PHRF1: variants seen among roughly 807,000 people sequenced by gnomAD.
PHRF1 encodes PHD and RING finger domain-containing protein 1.
PHRF1 carries 53 observed loss-of-function variants against 128.9 expected under a neutral mutation model. The observed-to-expected ratio is 0.41, with a 90% CI of 0.33 to 0.52. PHRF1 has a LOEUF of 0.52. PHRF1 is among the 20% of genes least tolerant of loss of function. The pLI is 0.21. For missense variants in PHRF1, 2,503 were observed against 2,284.5 expected (o/e 1.10, Z -1.95); for synonymous variants, 1,178 against 980.6 (o/e 1.20, Z -3.76).
At chr11:604,722 C>T (rs946369473) in intron 10 of PHRF1, among the ~76,000 whole-genome samples, 11 of 152,136 alleles carry the variant, frequency 7.2e-5, no homozygotes. Flanking sequence ...ACCATGTTGG[C>T]CAGGCTGGTC....
chr11:592,008 T>G (rs1423542663), intron 5 of PHRF1, among the ~76,000 whole-genome samples: 2 of 150,908 alleles, frequency 1.3e-5, no homozygotes, highest in East Asian at 4.0e-4. Flanking sequence ...CTCTGCCTCC[T>G]GGGTTCACGC....
intron 10 of PHRF1, among the ~76,000 whole-genome samples, chr11:603,499 C>T (rs1230974846): frequency 1.3e-5 from 2 of 152,064 alleles, no homozygotes; most frequent in Admixed American, 1.3e-4. Context: ...CCTCACCTAG[C>T]TAATTTTCTT....
In PHRF1 at chr11:608,672, C is replaced by T. The variant is rs776894273; in HGVS notation, c.3216C>T (p.Asp1072=). 1.9e-6 allele frequency: 3 copies of T among 1,612,390 alleles called. No homozygotes were observed. Among genetic ancestry groups the T allele is most frequent in the Non-Finnish European group, 8.5e-7 (1 of 1,179,774 alleles). ...GAGCTAAGAGGAAGAAAGCCAAGGA[C>T]AAGAGCAGGGAGCACAGGCGGGGCC... ...RERAKRKKAK[D]KSREHRRGPW... The change falls in exon 14 of 18, where the codon GAC becomes GAT. Residue 1072 remains aspartate, a synonymous_variant. Transcript: ENST00000264555.
rs762326803 is a variant in PHRF1 at position 581,955 on chromosome 11, T to C, written c.95-7T>C. The C allele has an allele frequency of 1.9e-6, 3 of 1,587,132 alleles. No homozygotes were observed. The highest frequency in any genetic ancestry group is 2.3e-5 in the South Asian group (2 of 86,784). On this transcript the variant is annotated splice_region_variant and splice_polypyrimidine_tract_variant and intron_variant, in intron 2 of 17. Coordinates refer to ENST00000264555, the MANE Select transcript of PHRF1 (RefSeq NM_001286581.2). ...CCCTGCGGCCTGTGTCTCACCCTGG[T>C]GTCTAGAAGAAAGCAGCGTGGGCAG...
rs1482321002 is a variant in PHRF1, at chr11:609,185, C to G, written c.3729C>G (p.Pro1243=). The G allele has an allele frequency of 6.2e-7, 1 of 1,607,618 alleles. No individual in the cohort carries two copies. The highest frequency in any genetic ancestry group is 2.2e-5 in the East Asian group (1 of 44,868). Residue 1243 remains proline, a synonymous_variant, in exon 14 of 18, where the codon CCC becomes CCG. Coordinates refer to ENST00000264555, the MANE Select transcript of PHRF1 (RefSeq NM_001286581.2). ...ATADKAPLQA[P]PVLEVAAECE... Reference sequence around the variant, plus strand: ...CCGACAAGGCCCCCCTGCAGGCTCCCCCTGTCCTGGAGGTGGCAGCTGAGT... The same window carrying G: ...CCGACAAGGCCCCCCTGCAGGCTCCGCCTGTCCTGGAGGTGGCAGCTGAGT...
chr11:609,508 C>T lies in PHRF1; in HGVS notation c.4052C>T (p.Ala1351Val), dbSNP rs371787558. The change falls in exon 14 of 18, where the codon GCG becomes GTG. Residue 1351 changes from alanine to valine, a missense_variant. Transcript: ENST00000264555. ...TQEPHLLRPD[A>V]AEKAEAPSSP... Reference sequence around the variant, plus strand: ...GAGCCACATTTGCTCAGGCCGGACGCGGCTGAGAAGGCTGAGGCACCCAGT... The same window carrying T: ...GAGCCACATTTGCTCAGGCCGGACGTGGCTGAGAAGGCTGAGGCACCCAGT... The T allele has an allele frequency of 2.6e-5, 42 of 1,602,874 alleles. No homozygotes were observed. The highest frequency in any genetic ancestry group is 1.8e-4 in the East Asian group (8 of 44,680).
chr11:607,195 G>C lies in PHRF1; in HGVS notation c.1739G>C (p.Ser580Thr), dbSNP rs772539585. ...GGCCCGTCAGGAAACAGGCCACAGAGCACAGGGCTCAGCTGTCAAGGCAGG... is the reference window on the plus strand; with the variant it reads ...GGCCCGTCAGGAAACAGGCCACAGACCACAGGGCTCAGCTGTCAAGGCAGG... ...AQGPSGNRPQ[S>T]TGLSCQGRSR... The change falls in exon 14 of 18, where the codon AGC becomes ACC. Residue 580 changes from serine to threonine, a missense_variant. Ser to Thr is a moderately conservative substitution (Grantham distance 58). Transcript: ENST00000264555. 5 of 1,612,464 alleles carry C rather than the reference G, an allele frequency of 3.1e-6. No individual in the cohort carries two copies. In the East Asian group the frequency reaches 1.1e-4, roughly 36 times the overall value.
intron 4 of PHRF1, among the ~76,000 whole-genome samples, chr11:588,978 A>G (rs1854758135): frequency 6.6e-6 from 1 of 152,136 alleles, no homozygotes; most frequent in African/African-American, 2.4e-5. Context: ...TTTACTAAAA[A>G]TACAAAAATT....
chr11:609,086 G>T lies in PHRF1; in HGVS notation c.3630G>T (p.Glu1210Asp). The change falls in exon 14 of 18, where the codon GAG (glutamate) becomes GAT (aspartate). Residue 1210 changes from glutamate to aspartate, a missense_variant. Transcript: ENST00000264555. ...CCCCAGCGCCCCTTGCACAGGGGGA[G>T]CCAGGGCGGGAAGACCTCCCCACCA... is the stretch of plus-strand genomic sequence containing the variant. ...EASPAPLAQG[E>D]PGREDLPTRL... 1 of 1,603,114 alleles carries T rather than the reference G, an allele frequency of 6.2e-7. No individual in the cohort carries two copies. Among genetic ancestry groups the T allele is most frequent in the Non-Finnish European group, 8.5e-7 (1 of 1,175,576 alleles).
chr11:590,682 CCTGA>C (rs1401290359), intron 4 of PHRF1, among the ~76,000 whole-genome samples: 4 of 152,174 alleles, frequency 2.6e-5, no homozygotes, highest in Admixed American at 2.6e-4. Flanking sequence ...GCAACGTATA[CCTGA>C]CTGTTATCCA....
chr11:602,658 G>C (rs868783592), intron 10 of PHRF1, among the ~76,000 whole-genome samples: 1 of 152,178 alleles, frequency 6.6e-6, no homozygotes. Context: ...TCCAGCCTGG[G>C]AGACGAGAGC....
intron 12 of PHRF1, among the ~76,000 whole-genome samples, chr11:606,120 CAA>C (rs1272701589): frequency 3.3e-5 from 5 of 152,258 alleles, no homozygotes; most frequent in African/African-American, 7.2e-5. Flanking sequence ...CCAAAACCAA[CAA>C]AACAGGTAAA....
At position 608,366 on chromosome 11, in the gene PHRF1, C is replaced by T. The variant is rs1321772729; in HGVS notation, c.2910C>T (p.Ala970=). The stretch of plus-strand genomic sequence containing the variant: ...GTGTGACTGTCGTGGAGCCGGAAGC[C>T]CCACCCAGCCCGGACGTGCTGCAGG... ...VTCVTVVEPE[A]PPSPDVLQAA... The change falls in exon 14 of 18, where the codon GCC becomes GCT. Residue 970 remains alanine, a synonymous_variant. Coordinates refer to ENST00000264555, the MANE Select transcript of PHRF1 (RefSeq NM_001286581.2). 4 of 1,610,940 alleles carry T rather than the reference C, an allele frequency of 2.5e-6. No homozygotes were observed. Among genetic ancestry groups the T allele is most frequent in the Middle Eastern group, 3.4e-4 (2 of 5,920 alleles).
In PHRF1 at chr11:607,286, G is replaced by A. The variant is rs774497632; in HGVS notation, c.1830G>A (p.Ala610=). Residue 610 remains alanine, a synonymous_variant, in exon 14 of 18, where the codon GCG becomes GCA. Coordinates refer to ENST00000264555, the MANE Select transcript of PHRF1 (RefSeq NM_001286581.2). ...VRLDLPAAPG[A]VQARNLSNGS... ...TGGACTTGCCAGCAGCCCCTGGGGC[G>A]GTTCAGGCTCGGAACTTGTCAAATG... The A allele has an allele frequency of 1.2e-5, 20 of 1,612,572 alleles. No individual in the cohort carries two copies. The highest frequency in any genetic ancestry group is 3.3e-5 in the South Asian group (3 of 91,094).
intron 9 of PHRF1, among the ~76,000 whole-genome samples, chr11:599,724 C>T (rs898016181): frequency 6.6e-6 from 1 of 152,156 alleles, no homozygotes; most frequent in East Asian, 1.9e-4. Context: ...CGTGCTGGTC[C>T]TGGGGCTCCA....
chr11:582,488 C>T (rs1042641474), intron 3 of PHRF1, among the ~76,000 whole-genome samples: 1 of 151,950 alleles, frequency 6.6e-6, no homozygotes. Flanking sequence ...GGAACTCTTC[C>T]TGACCTCAAG....
chr11:596,604 A>G (rs1284106762), intron 6 of PHRF1, among the ~76,000 whole-genome samples: 3 of 152,216 alleles, frequency 2.0e-5, no homozygotes, highest in Admixed American at 2.0e-4. Flanking sequence ...GAAACTAGAC[A>G]TCTGAGATAC....
intron 3 of PHRF1, among the ~76,000 whole-genome samples, chr11:585,884 C>T (rs1488194599): frequency 5.4e-5 from 8 of 148,814 alleles, no homozygotes; most frequent in Non-Finnish European, 8.9e-5. Context: ...ATTTTTGAGA[C>T]GGAGTCTTGC....
chr11:599,769 C>T (rs1855520173), intron 9 of PHRF1, among the ~76,000 whole-genome samples: 1 of 151,816 alleles, frequency 6.6e-6, no homozygotes, highest in Non-Finnish European at 1.5e-5. Flanking sequence ...GTGCAGGGTC[C>T]TGGGTCTCCA....
Sources: allele counts gnomAD v4.1 joint callset (sites outside exome capture counted in the v4.1 genomes callset), GRCh38; gene constraint gnomAD v4.1.1; transcripts MANE v1.5; gene names NCBI Gene and HGNC (gene_info 2026-07-23, HGNC 2026-07-21).